The following RBM6 variants were observed in gnomAD, a reference collection of about 807,000 sequenced individuals.
RBM6 encodes RNA-binding protein 6.
RBM6 carries 23 observed loss-of-function variants against 140.4 expected under a neutral mutation model. The observed-to-expected ratio is 0.16, with a 90% CI of 0.12 to 0.23. The LOEUF (loss-of-function observed/expected upper bound fraction) is 0.23, where lower values mean the gene tolerates loss of function less well. Among genes scored for constraint, RBM6 ranks in the 10% least tolerant of loss-of-function variants. The pLI, the probability that RBM6 is intolerant of heterozygous loss-of-function variation, is 1.00. For synonymous variants in RBM6, 439 were observed against 475.6 expected (o/e 0.92, Z 1.00); for missense variants, 1,139 against 1,386.7 (o/e 0.82, Z 2.84).
chr3:50,027,302 G>T (rs2087896565), intron 6 of RBM6, among the ~76,000 whole-genome samples: 1 of 152,126 alleles, frequency 6.6e-6, no homozygotes, highest in Non-Finnish European at 1.5e-5. Context: ...TTGCAGCCCT[G>T]AAAGCTTTTT....
At chr3:50,054,498 A>G in intron 8 of RBM6, 103 bp downstream of exon 8, 3 of 1,026,542 alleles carry the variant, frequency 2.9e-6, no homozygotes, top group Non-Finnish European at 3.0e-6. Flanking sequence ...ATCCAAGTTG[A>G]TCTACAAACC....
chr3:49,968,025 A>G lies in RBM6; in HGVS notation c.600A>G (p.Leu200=), dbSNP rs1452562081. 1.9e-6 allele frequency: 3 copies of G among 1,614,156 alleles called. No individual in the cohort carries two copies. The highest frequency in any genetic ancestry group is 1.7e-5 in the Admixed American group (1 of 60,010). The part of the protein sequence containing the change: ...GSHADFRGRD[L]SDLDFRAREQ... The stretch of plus-strand genomic sequence containing the variant: ...ATGCAGATTTTAGGGGAAGGGATTT[A>G]TCAGATTTGGATTTTAGGGCCAGAG... The change falls in exon 3 of 21, where the codon TTA becomes TTG. Residue 200 remains leucine (L), a synonymous_variant. Coordinates refer to ENST00000266022, the MANE Select transcript of RBM6 (RefSeq NM_005777.3).
At chr3:50,013,483 C>T (rs1047355989) in intron 6 of RBM6, among the ~76,000 whole-genome samples, 4 of 152,112 alleles carry the variant, frequency 2.6e-5, no homozygotes, top group African/African-American at 4.8e-5. Context: ...ATCCTGGCCT[C>T]GTGGTGAAAC....
chr3:49,958,296 C>T (rs2084102190), intron 1 of RBM6, among the ~76,000 whole-genome samples: 1 of 152,076 alleles, frequency 6.6e-6, no homozygotes, highest in South Asian at 2.1e-4. Flanking sequence ...TGGCTCACGC[C>T]TGTAATCCCA....
chr3:50,018,699 C>A (rs1360418317), intron 6 of RBM6, among the ~76,000 whole-genome samples: 1 of 136,604 alleles, frequency 7.3e-6, no homozygotes, highest in Non-Finnish European at 1.5e-5. Flanking sequence ...TCAAGTGATT[C>A]TTCTGCCTCA....
chr3:50,062,231 G>T (rs576336463), intron 15 of RBM6, 123 bp downstream of exon 15: 90 of 1,209,808 alleles, frequency 7.4e-5, no homozygotes, highest in Non-Finnish European at 9.4e-5. Context: ...TCAGCCGGGC[G>T]TGGTGGCTAA....
chr3:50,051,518 G>A (rs1222305670), intron 7 of RBM6, among the ~76,000 whole-genome samples: 3 of 152,030 alleles, frequency 2.0e-5, no homozygotes, highest in Admixed American at 6.6e-5. Flanking sequence ...GCACATGCCT[G>A]TAATCCCAGC....
At chr3:50,025,090 T>C (rs546981909) in intron 6 of RBM6, among the ~76,000 whole-genome samples, 1 of 151,750 alleles carries the variant, frequency 6.6e-6, no homozygotes, top group East Asian at 1.9e-4. Context: ...GTTTTTTTTT[T>C]TCCCCCATTT....
intron 6 of RBM6, among the ~76,000 whole-genome samples, chr3:50,015,835 C>A (rs868453795): frequency 2.6e-5 from 4 of 152,036 alleles, no homozygotes. Flanking sequence ...TAATTGTATA[C>A]GTTTATGGAG....
chr3:49,962,783 A>G lies in RBM6; in HGVS notation c.44+98A>G, dbSNP rs2084340903. ...AAATGAAGATATTTTCTCTGTGGAGAAATAGTTTCTGATTTTTTAAAAATA... is the reference window on the plus strand; with the variant it reads ...AAATGAAGATATTTTCTCTGTGGAGGAATAGTTTCTGATTTTTTAAAAATA... On this transcript the variant is annotated intron_variant, in intron 2 of 20. Coordinates refer to ENST00000266022, the MANE Select transcript of RBM6 (RefSeq NM_005777.3). The G allele has an allele frequency of 6.4e-6, 8 of 1,243,916 alleles. No homozygotes were observed. The South Asian group carries it at 1.2e-4, about 18-fold the overall frequency. 77.1% of individuals were successfully genotyped at this position (1,243,916 alleles called of 1,614,324 possible).
At chr3:50,039,724 A>T (rs2088768752) in intron 6 of RBM6, among the ~76,000 whole-genome samples, 1 of 152,164 alleles carries the variant, frequency 6.6e-6, no homozygotes, top group African/African-American at 2.4e-5. Flanking sequence ...GAGTTTATAA[A>T]TTGTAAGAAG....
At chr3:49,992,905 A>G (rs1187973535) in intron 5 of RBM6, among the ~76,000 whole-genome samples, 1 of 152,192 alleles carries the variant, frequency 6.6e-6, no homozygotes, top group Non-Finnish European at 1.5e-5. Flanking sequence ...GCTTGGGGAA[A>G]AGCAGATTTG....
chr3:49,957,709 T>C (rs1196790195), intron 1 of RBM6, among the ~76,000 whole-genome samples: 1 of 152,210 alleles, frequency 6.6e-6, no homozygotes, highest in African/African-American at 2.4e-5. Flanking sequence ...CCTAGATTAA[T>C]AATTTTTTAT....
At chr3:49,968,852 C>T (rs752783493) in intron 3 of RBM6, 104 bp downstream of exon 3, 1 of 1,316,182 alleles carries the variant, frequency 7.6e-7, no homozygotes, top group South Asian at 1.6e-5. Context: ...GCGATCTCTG[C>T]TCATGCAAGC....
At chr3:50,039,132 T>C (rs968402501) in intron 6 of RBM6, among the ~76,000 whole-genome samples, 1 of 152,180 alleles carries the variant, frequency 6.6e-6, no homozygotes, top group Non-Finnish European at 1.5e-5. Flanking sequence ...TATAGAATTC[T>C]GAATTCTGAA....
At position 50,060,873 on chromosome 3, in the gene RBM6, T is replaced by A. The variant is rs372452240; in HGVS notation, c.2229-83T>A. The stretch of plus-strand genomic sequence containing the variant: ...CCCTGCAAAATGAGGAACAGAGGAT[T>A]TCTCGATAGGAACTGTAGGATTAAG... On this transcript the variant is annotated intron_variant, in intron 11 of 20. Transcript: ENST00000266022. 15 of 1,400,716 alleles carry A rather than the reference T, an allele frequency of 1.1e-5. No homozygotes were observed. The African/African-American group carries it at 1.3e-4, about 12-fold the overall frequency. 86.8% of individuals were successfully genotyped at this position (1,400,716 alleles called of 1,614,324 possible).
At chr3:50,054,532 G>C in intron 8 of RBM6, 137 bp downstream of exon 8, 1 of 757,320 alleles carries the variant, frequency 1.3e-6, no homozygotes, top group Non-Finnish European at 2.2e-6. Flanking sequence ...TTGAGATGGA[G>C]TCTCGCTGTG....
intron 5 of RBM6, among the ~76,000 whole-genome samples, chr3:49,984,468 C>T (rs2085453921): frequency 6.6e-6 from 1 of 152,000 alleles, no homozygotes. Flanking sequence ...ACTAGCTGGG[C>T]TGGTGGTGTA....
chr3:49,991,162 G>A (rs1244280389), intron 5 of RBM6, among the ~76,000 whole-genome samples: 1 of 152,174 alleles, frequency 6.6e-6, no homozygotes, highest in Non-Finnish European at 1.5e-5. Flanking sequence ...TTTTTATAAA[G>A]GATACAATTA....
Sources: gnomAD v4.1 joint callset for allele counts (sites outside exome capture counted in the v4.1 genomes callset) on GRCh38, gnomAD v4.1.1 for gene constraint, MANE v1.5 for transcripts, NCBI Gene and HGNC (gene_info 2026-07-23, HGNC 2026-07-21) for gene names.